Variants in C4orf50 observed in about 807,000 individuals in gnomAD.
The protein encoded by C4orf50 is uncharacterized protein C4orf50.
A neutral mutation model predicts 77.2 loss-of-function variants in C4orf50; 80 were observed. That is an observed-to-expected ratio of 1.04 (90% confidence interval 0.87 to 1.25). The LOEUF is 1.25. Among genes scored for constraint, C4orf50 ranks in the 50% most tolerant of loss-of-function variants. The pLI is 0.00. For missense variants in C4orf50, 1,257 were observed against 1,152.9 expected (o/e 1.09, Z -1.31); for synonymous variants, 532 against 465.3 (o/e 1.14, Z -1.84).
At chr4:5,936,365 C>T (rs1020690500) in intron 7 of C4orf50, among the ~76,000 whole-genome samples, 5 of 151,974 alleles carry the variant, frequency 3.3e-5, no homozygotes. Flanking sequence ...AGTTGGAGAC[C>T]AGCCTGGTCA....
rs1158176810 is a variant in C4orf50, at chr4:5,989,763, G to A, written c.2283C>T (p.Phe761=). ...GTGGCAAACCTGTCTCTCCTGCAAA[G>A]AAAAGCATTTCCTTGCTCTCATGTT... The change falls in exon 28 of 34, where the codon TTC becomes TTT. Residue 761 remains phenylalanine, a synonymous_variant. Transcript: ENST00000531445. 3 of 1,530,518 alleles carry A rather than the reference G, an allele frequency of 2.0e-6. No individual in the cohort carries two copies. The East Asian group carries it at 7.4e-5, about 38-fold the overall frequency. The allele number at this position is 1,530,518 out of a possible 1,614,324, so 94.8% of individuals were successfully genotyped here. A position where few individuals can be genotyped will look rare whatever the true frequency, so the allele number is the denominator to read the frequency against.
intron 33 of C4orf50, 119 bp downstream of exon 11, chr4:5,964,905 C>G: frequency 1.5e-5 from 12 of 801,634 alleles, no homozygotes; most frequent in South Asian, 2.0e-5. Flanking sequence ...TGTTCTATTT[C>G]TTGACCTGGT....
At chr4:5,995,385 A>G (rs997213454) in intron 25 of C4orf50, among the ~76,000 whole-genome samples, 1 of 151,778 alleles carries the variant, frequency 6.6e-6, no homozygotes, top group Non-Finnish European at 1.5e-5. Context: ...CACAGTGTGG[A>G]GCTTCCCCAG....
At chr4:5,953,731 C>T (rs1006982899), downstream of C4orf50, among the ~76,000 whole-genome samples, 4 of 152,136 alleles carry the variant, frequency 2.6e-5, no homozygotes, top group Non-Finnish European at 5.9e-5. Flanking sequence ...TGGGGGACTC[C>T]AAGACCTGCC....
chr4:5,937,423 A>G (rs1252722808), intron 7 of C4orf50, among the ~76,000 whole-genome samples: 1 of 152,164 alleles, frequency 6.6e-6, no homozygotes, highest in Non-Finnish European at 1.5e-5. Context: ...ACCTAGGGTG[A>G]AAAGTAGAAT....
intron 25 of C4orf50, among the ~76,000 whole-genome samples, chr4:6,006,551 T>C (rs913496105): frequency 6.6e-6 from 1 of 152,212 alleles, no homozygotes; most frequent in African/African-American, 2.4e-5. Flanking sequence ...GATGCGAATA[T>C]CACCTGCCTT....
At chr4:5,989,484 A>G (rs1721124031) in exon 28 of C4orf50, 6 of 1,535,964 alleles carry the variant, frequency 3.9e-6, no homozygotes, top group Non-Finnish European at 5.2e-6. Flanking sequence ...AAACCTGCTG[A>G]GAGTGAGCTC....
At position 5,923,079 on chromosome 4, in the gene C4orf50, G is replaced by A. The variant is rs115603574; in HGVS notation, c.*2475-24891C>T. Among the ~76,000 whole-genome samples, 669 of 152,292 alleles carry A rather than the reference G, an allele frequency of 4.4e-3. 8 individuals are homozygous for A. The highest frequency in any genetic ancestry group is 0.015 in the African/African-American group (634 of 41,570). On this transcript the variant is annotated intron_variant, in intron 7 of 7. Transcript: ENST00000324058. ...GGAGGGACACAGAGTGAACTTTCCT[G>A]GAGTAGACGCGATTTTCCCTGTTCC...
In C4orf50 at chr4:5,973,910, G is replaced by A. The variant is rs550974222; in HGVS notation, c.3922-69C>T. On this transcript the variant is annotated intron_variant, in intron 30 of 33. Coordinates refer to ENST00000531445, the Ensembl canonical transcript of C4orf50. Reference sequence around the variant, plus strand: ...TGCATGGCTGAGCTGGAGGGCTGGGGGCCGGAGGGTCAGCTGAGGCCCCTA... The same window carrying A: ...TGCATGGCTGAGCTGGAGGGCTGGGAGCCGGAGGGTCAGCTGAGGCCCCTA... The A allele has an allele frequency of 8.5e-5, 112 of 1,322,528 alleles. No individual in the cohort carries two copies. The African/African-American group carries it at 1.2e-3, about 14-fold the overall frequency. 81.9% of individuals were successfully genotyped at this position (1,322,528 alleles called of 1,614,324 possible).
Position 5,988,756 on chromosome 4 carries a change from T to A in C4orf50, c.3290A>T (p.His1097Leu), listed in dbSNP as rs74657608. ...CAAGGTGACTTCCCTCTCCAGGACA[T>A]GGACCCTGCGTAGAAGGTGCTCGTT... Residue 1097 changes from histidine (H) to leucine (L), a missense_variant, in exon 28 of 34, where the codon CAT (histidine) becomes CTT (leucine). Physicochemically the swap from His to Leu is moderately conservative, Grantham distance 99. Coordinates refer to ENST00000531445, the Ensembl canonical transcript of C4orf50. 1,108 of 1,536,118 alleles carry A rather than the reference T, an allele frequency of 7.2e-4. 11 individuals are homozygous for A. In the African/African-American group the frequency reaches 0.014, roughly 19 times the overall value.
chr4:5,941,991 A>T (rs1170043221), intron 7 of C4orf50, among the ~76,000 whole-genome samples: 1 of 152,168 alleles, frequency 6.6e-6, no homozygotes, highest in Non-Finnish European at 1.5e-5. Flanking sequence ...TTTATTTTTT[A>T]AAAGTGGCTT....
rs1722633449 is a variant in C4orf50, at chr4:6,015,045, C to T, written c.288-3077G>A. On this transcript the variant is annotated intron_variant, in intron 23 of 33. Coordinates refer to ENST00000531445, the Ensembl canonical transcript of C4orf50. This position sits in a 1 kb window ranked among gnomAD's most constrained non-coding sequence, Gnocchi z 4.4. Reference sequence around the variant, plus strand: ...CTTCTGGTTTCCACCACCAACCTTTCTAGAAGATTTGAATGTACAACCCTG... The same window carrying T: ...CTTCTGGTTTCCACCACCAACCTTTTTAGAAGATTTGAATGTACAACCCTG... Among the ~76,000 whole-genome samples, 1 of 152,134 alleles carries T rather than the reference C, an allele frequency of 6.6e-6. No homozygotes were observed. The highest frequency in any genetic ancestry group is 2.4e-5 in the African/African-American group (1 of 41,426).
intron 29 of C4orf50, among the ~76,000 whole-genome samples, chr4:5,977,673 T>C (rs536658417): frequency 6.6e-6 from 1 of 152,398 alleles, no homozygotes; most frequent in South Asian, 2.1e-4. Context: ...TCCATATATC[T>C]GTTTTGGCAC....
chr4:5,980,857 G>A (rs1361762737), intron 28 of C4orf50, among the ~76,000 whole-genome samples: 2 of 152,124 alleles, frequency 1.3e-5, no homozygotes, highest in East Asian at 1.9e-4. Flanking sequence ...TCTCCCACAG[G>A]CACTTTTCTT....
intron 29 of C4orf50, among the ~76,000 whole-genome samples, chr4:5,977,129 G>A (rs1025578519): frequency 1.2e-4 from 18 of 152,326 alleles, no homozygotes; most frequent in African/African-American, 3.1e-4. Flanking sequence ...GAGTGAGGCC[G>A]CCGGGGACCC....
intron 7 of C4orf50, among the ~76,000 whole-genome samples, chr4:5,949,299 C>T (rs1718622324): frequency 6.6e-6 from 1 of 152,228 alleles, no homozygotes; most frequent in Non-Finnish European, 1.5e-5. Context: ...CCAGGGTTCA[C>T]AGATTGATGA....
rs536815781 is a variant in C4orf50, at chr4:6,011,338, G to T, written c.426+492C>A. Among the ~76,000 whole-genome samples the T allele has an allele frequency of 6.6e-6, 1 of 152,028 alleles. No individual in the cohort carries two copies. The highest frequency in any genetic ancestry group is 1.5e-5 in the Non-Finnish European group (1 of 68,008). On this transcript the variant is annotated intron_variant, in intron 24 of 33. Transcript: ENST00000531445. This position sits in a 1 kb window ranked among gnomAD's most constrained non-coding sequence, Gnocchi z 4.2. The stretch of plus-strand genomic sequence containing the variant: ...GTGTTCTCCCACACCTCTGTGCTAC[G>T]GCCCCGTGCTGTCAGCCACGCCTCA...
chr4:5,921,786 T>C (rs1029834334), intron 7 of C4orf50, among the ~76,000 whole-genome samples: 1 of 152,062 alleles, frequency 6.6e-6, no homozygotes, highest in East Asian at 1.9e-4. Flanking sequence ...ACAGGAGTGA[T>C]ATAAAAAGTG....
At chr4:5,920,182 G>C (rs952572059) in intron 7 of C4orf50, among the ~76,000 whole-genome samples, 2 of 152,200 alleles carry the variant, frequency 1.3e-5, no homozygotes, top group Non-Finnish European at 2.9e-5. Flanking sequence ...CAGATACCGG[G>C]GATAACTCTA....
Sources: gnomAD v4.1 joint callset for allele counts (sites outside exome capture counted in the v4.1 genomes callset) on GRCh38, gnomAD v4.1.1 for gene constraint, Gnocchi (gnomAD v3.1) non-coding constraint, MANE v1.5 for transcripts, NCBI Gene and HGNC (gene_info 2026-07-23, HGNC 2026-07-21) for gene names.